PACRG: variants seen among roughly 807,000 people sequenced by gnomAD.
The protein encoded by PACRG is parkin coregulated gene protein.
Under a neutral mutation model 29.7 loss-of-function variants are expected in PACRG, and 29 were observed. That is an observed-to-expected ratio of 0.98 (90% CI 0.73 to 1.33). The LOEUF (loss-of-function observed/expected upper bound fraction) is 1.33. Among genes scored for constraint, PACRG ranks in the 40% most tolerant of loss-of-function variants. PACRG has a pLI of 0.00. For synonymous variants in PACRG, 116 were observed against 118.7 expected, an observed-to-expected ratio of 0.98 and a Z score of 0.15; for missense variants, 279 against 316.2, an observed-to-expected ratio of 0.88 and a Z score of 0.89.
At chr6:163,195,702 T>C (rs1780422639) in intron 4 of PACRG, among the ~76,000 whole-genome samples, 1 of 152,162 alleles carries the variant, frequency 6.6e-6, no homozygotes, top group Non-Finnish European at 1.5e-5. Context: ...TCAGCCTCCC[T>C]GTGCTGCGTT....
chr6:162,935,672 C>A (rs564282359), intron 2 of PACRG, among the ~76,000 whole-genome samples: 82 of 152,022 alleles, frequency 5.4e-4, no homozygotes, highest in African/African-American at 1.9e-3. Context: ...TCTTTTCAGG[C>A]ATTTCATAGA....
At chr6:162,940,553 G>A (rs1798544919) in intron 2 of PACRG, among the ~76,000 whole-genome samples, 1 of 152,126 alleles carries the variant, frequency 6.6e-6, no homozygotes, top group Non-Finnish European at 1.5e-5. Context: ...AGCAAAAGGA[G>A]TAAGTGGAAT....
intron 2 of PACRG, among the ~76,000 whole-genome samples, chr6:162,881,437 A>G (rs921215485): frequency 6.6e-6 from 1 of 152,196 alleles, no homozygotes; most frequent in Non-Finnish European, 1.5e-5. Flanking sequence ...CAGAGAGATG[A>G]GTGTCAATGC....
chr6:163,209,685 A>G (rs899728395), intron 4 of PACRG, among the ~76,000 whole-genome samples: 1 of 152,244 alleles, frequency 6.6e-6, no homozygotes, highest in Admixed American at 6.5e-5. Context: ...ACATCAACCT[A>G]GTTAATACCT....
chr6:163,104,714 T>C (rs1815285612), intron 4 of PACRG, among the ~76,000 whole-genome samples: 1 of 152,234 alleles, frequency 6.6e-6, no homozygotes, highest in Admixed American at 6.5e-5. Context: ...CTAAATGTAA[T>C]CCTTTGGTAA....
chr6:163,007,084 G>T (rs1345403124), intron 2 of PACRG, among the ~76,000 whole-genome samples: 1 of 151,750 alleles, frequency 6.6e-6, no homozygotes, highest in Non-Finnish European at 1.5e-5. Flanking sequence ...AATTTTTGTT[G>T]TGTAATTTTA....
intron 2 of PACRG, among the ~76,000 whole-genome samples, chr6:163,011,569 G>A (rs1478607396): frequency 2.2e-4 from 34 of 152,074 alleles, no homozygotes; most frequent in Non-Finnish European, 1.2e-4. Flanking sequence ...TACACTACCA[G>A]GGACCTCATA....
At position 162,814,033 on chromosome 6, in the gene PACRG, T is replaced by C. The variant is rs887161969; in HGVS notation, c.157-114T>C. 1.4e-5 allele frequency: 16 copies of C among 1,163,852 alleles called. No individual in the cohort carries two copies. In the Admixed American group the frequency reaches 4.8e-4, roughly 35 times the overall value. 72.1% of individuals were successfully genotyped at this position (1,163,852 alleles called of 1,614,324 possible). On this transcript the variant is annotated intron_variant, in intron 1 of 4. Transcript: ENST00000366888. ...TGTCCCTTATTTGATAATGTGTTTT[T>C]ATCTTCCAACATATTTATACAAACT... is the stretch of plus-strand genomic sequence containing the variant.
chr6:162,782,896 C>G (rs1167501239), intron 1 of PACRG, among the ~76,000 whole-genome samples: 7 of 151,790 alleles, frequency 4.6e-5, no homozygotes, highest in Non-Finnish European at 7.4e-5. Flanking sequence ...ATTCTTACAA[C>G]TTGGTGAGAA....
At chr6:163,253,818 C>T (rs1442296150) in intron 4 of PACRG, among the ~76,000 whole-genome samples, 4 of 152,306 alleles carry the variant, frequency 2.6e-5, no homozygotes, top group East Asian at 1.9e-4. Context: ...CACACATTTC[C>T]GAGTTGGCCT....
At chr6:163,031,554 A>G (rs1041808234) in intron 2 of PACRG, among the ~76,000 whole-genome samples, 4 of 152,302 alleles carry the variant, frequency 2.6e-5, no homozygotes, top group African/African-American at 9.6e-5. Flanking sequence ...GCAGTTTCCC[A>G]TTTTTACTAA....
At chr6:162,957,348 A>G in intron 2 of PACRG, 1 of 613,248 alleles carries the variant, frequency 1.6e-6, no homozygotes, top group Non-Finnish European at 2.9e-6. Context: ...TGGAACCACC[A>G]CAGGCCCTGC....
intron 2 of PACRG, among the ~76,000 whole-genome samples, chr6:162,886,514 C>T (rs57619066): frequency 0.16 from 24,760 of 152,188 alleles, 2,500 homozygotes; most frequent in East Asian, 0.33. Context: ...TCTGTCTGTT[C>T]ATTAACCCCC....
At chr6:162,950,068 T>C (rs1304085772) in intron 2 of PACRG, among the ~76,000 whole-genome samples, 1 of 152,240 alleles carries the variant, frequency 6.6e-6, no homozygotes, top group East Asian at 1.9e-4. Flanking sequence ...TTAGTGTTTT[T>C]TAAAAAATTA....
intron 2 of PACRG, among the ~76,000 whole-genome samples, chr6:162,995,925 C>G (rs955172701): frequency 6.6e-6 from 1 of 152,122 alleles, no homozygotes; most frequent in African/African-American, 2.4e-5. Flanking sequence ...CTTCGTGATC[C>G]TGATTTCAAT....
At chr6:163,167,340 T>C (rs1284109584) in intron 4 of PACRG, among the ~76,000 whole-genome samples, 1 of 152,206 alleles carries the variant, frequency 6.6e-6, no homozygotes, top group Admixed American at 6.5e-5. Flanking sequence ...CGGAGGGCAG[T>C]TTGATCGCCT....
intron 2 of PACRG, among the ~76,000 whole-genome samples, chr6:162,922,625 G>A (rs1366333879): frequency 1.3e-5 from 2 of 151,492 alleles, no homozygotes; most frequent in Admixed American, 6.6e-5. Context: ...ACTTCTATGA[G>A]CTCATTTTTT....
At chr6:163,165,033 G>C (rs547623060) in intron 4 of PACRG, among the ~76,000 whole-genome samples, 1 of 152,190 alleles carries the variant, frequency 6.6e-6, no homozygotes, top group South Asian at 2.1e-4. Context: ...TGCCTTACAC[G>C]TATGTTAGGG....
chr6:163,147,859 C>G (rs189908986), intron 4 of PACRG, among the ~76,000 whole-genome samples: 391 of 152,312 alleles, frequency 2.6e-3, no homozygotes, highest in Middle Eastern at 0.01. Flanking sequence ...CAATGCCCCT[C>G]TAGCACCTTT....
Sources: gnomAD v4.1 joint callset for allele counts (sites outside exome capture counted in the v4.1 genomes callset) on GRCh38, gnomAD v4.1.1 for gene constraint, MANE v1.5 for transcripts, NCBI Gene and HGNC (gene_info 2026-07-23, HGNC 2026-07-21) for gene names.